Variants in IL1RAPL2 observed in about 807,000 individuals in gnomAD.
The protein encoded by IL1RAPL2 is interleukin 1 receptor accessory protein like 2.
Under a neutral mutation model 44.1 loss-of-function variants are expected in IL1RAPL2, and 3 were observed. The observed-to-expected ratio is 0.07, with a 90% CI of 0.03 to 0.18. The LOEUF is 0.18. Among genes scored for constraint, IL1RAPL2 ranks in the 10% least tolerant of loss-of-function variants. IL1RAPL2 has a pLI of 1.00. For synonymous variants in IL1RAPL2, 181 were observed against 178.8 expected, an observed-to-expected ratio of 1.01 and a Z score of -0.10; for missense variants, 391 against 496.4, an observed-to-expected ratio of 0.79 and a Z score of 2.02.
chrX:104,683,529 T>C (rs1446819015), intron 2 of IL1RAPL2, among the ~76,000 whole-genome samples: 1 of 112,214 alleles, frequency 8.9e-6, no homozygotes, highest in Non-Finnish European at 1.9e-5. Flanking sequence ...CACTTTTGTT[T>C]GATATGCTTC....
At position 104,870,833 on chromosome X, in the gene IL1RAPL2, T is replaced by A. The variant is rs1417587978; in HGVS notation, c.82+211838T>A. On this transcript the variant is annotated intron_variant, in intron 2 of 10. Coordinates refer to ENST00000372582, the MANE Select transcript of IL1RAPL2 (RefSeq NM_017416.2). ...GTTTCTTTTATTTTGTTTTTTGTTA[T>A]TTCTAAATTGTTAGTTGTGAGTAAG... Among the ~76,000 whole-genome samples the A allele has an allele frequency of 3.6e-5, 4 of 111,800 alleles. No individual in the cohort carries two copies. In the Admixed American group the frequency reaches 3.8e-4, roughly 11 times the overall value.
intron 5 of IL1RAPL2, among the ~76,000 whole-genome samples, chrX:105,321,470 T>C (rs1387688392): frequency 8.9e-6 from 1 of 112,217 alleles, no homozygotes; most frequent in East Asian, 2.8e-4. Context: ...AGGCTCTTTG[T>C]TCAAAAATTA....
chrX:105,514,585 C>T (rs1178803312), intron 6 of IL1RAPL2, among the ~76,000 whole-genome samples: 8 of 112,255 alleles, frequency 7.1e-5, no homozygotes, highest in African/African-American at 9.7e-5. Flanking sequence ...ATAAGCATTA[C>T]GTTACAACTC....
intron 2 of IL1RAPL2, among the ~76,000 whole-genome samples, chrX:104,712,112 T>G (rs1931469110): frequency 9.0e-6 from 1 of 111,287 alleles, no homozygotes; most frequent in African/African-American, 3.2e-5. Flanking sequence ...TAAGACCAGA[T>G]AGTGTGGCCA....
intron 6 of IL1RAPL2, among the ~76,000 whole-genome samples, chrX:105,709,832 AATG>A (rs1461346495): frequency 9.0e-6 from 1 of 111,543 alleles, no homozygotes; most frequent in Non-Finnish European, 1.9e-5. Context: ...ATGTAGTAAC[AATG>A]GGGGTTTTAT....
rs750223292 is a variant in IL1RAPL2 at position 104,915,225 on chromosome X, C to T, written c.82+256230C>T. Among the ~76,000 whole-genome samples, 39 of 110,991 alleles carry T rather than the reference C, an allele frequency of 3.5e-4. No individual in the cohort carries two copies. The South Asian group carries it at 0.01, about 30-fold the overall frequency. ...TATTTCTCCACATCCTCTCCAGCAC[C>T]TGTTGTTTCCTGACTTTTTAATGAT... On this transcript the variant is annotated intron_variant, in intron 2 of 10. Coordinates refer to ENST00000372582, the MANE Select transcript of IL1RAPL2 (RefSeq NM_017416.2).
At chrX:105,142,339 G>T (rs1029937727) in intron 2 of IL1RAPL2, among the ~76,000 whole-genome samples, 1 of 111,213 alleles carries the variant, frequency 9.0e-6, no homozygotes, top group Non-Finnish European at 1.9e-5. Context: ...CTTCCCAGGG[G>T]TCTCATTTTT....
At chrX:105,472,759 C>T (rs2036173591) in intron 5 of IL1RAPL2, among the ~76,000 whole-genome samples, 1 of 111,874 alleles carries the variant, frequency 8.9e-6, no homozygotes, top group Non-Finnish European at 1.9e-5. Context: ...TCCCAGAGAG[C>T]TGCCATCATG....
rs190901396 is a variant in IL1RAPL2 at position 104,879,566 on chromosome X, T to C, written c.82+220571T>C. 5.4e-5 allele frequency among the ~76,000 whole-genome samples: 6 copies of C among 111,437 alleles called. No individual in the cohort carries two copies. The East Asian group carries it at 1.7e-3, about 31-fold the overall frequency. On this transcript the variant is annotated intron_variant, in intron 2 of 10. Transcript: ENST00000372582. ...CTTTATTGGATTATTTCAGGTTTTCTTTTTGAGTAAACTTTATATTTCCTT... is the reference window on the plus strand; with the variant it reads ...CTTTATTGGATTATTTCAGGTTTTCCTTTTGAGTAAACTTTATATTTCCTT...
At chrX:104,622,900 C>CT (rs950269611) in intron 1 of IL1RAPL2, among the ~76,000 whole-genome samples, 23 of 111,238 alleles carry the variant, frequency 2.1e-4, no homozygotes, top group Non-Finnish European at 4.2e-4. Context: ...ATTTTAATAA[C>CT]TTTTTTTTGT....
At chrX:104,856,966 G>T (rs918486415) in intron 2 of IL1RAPL2, among the ~76,000 whole-genome samples, 2 of 112,049 alleles carry the variant, frequency 1.8e-5, no homozygotes, top group African/African-American at 6.5e-5. Flanking sequence ...CTGCCAATTT[G>T]TTACCTTTGC....
intron 1 of IL1RAPL2, among the ~76,000 whole-genome samples, chrX:104,621,100 A>C (rs1014375313): frequency 6.6e-5 from 7 of 105,609 alleles, no homozygotes; most frequent in Non-Finnish European, 1.3e-4. Flanking sequence ...ACAATGTAAT[A>C]TATATTAGAT....
intron 3 of IL1RAPL2, chrX:105,220,082 C>T (rs782061168): frequency 8.3e-7 from 1 of 1,211,708 alleles, no homozygotes; most frequent in Non-Finnish European, 1.1e-6. Flanking sequence ...GATGCCAAGG[C>T]CTGTGCGGCT....
chrX:105,102,289 A>G (rs1302814752), intron 2 of IL1RAPL2, among the ~76,000 whole-genome samples: 1 of 111,665 alleles, frequency 9.0e-6, no homozygotes, highest in Non-Finnish European at 1.9e-5. Context: ...CCAGGAGGTA[A>G]ATAAAGGCAG....
chrX:105,176,329 C>A (rs1432707967), intron 2 of IL1RAPL2, among the ~76,000 whole-genome samples: 1 of 111,191 alleles, frequency 9.0e-6, no homozygotes, highest in Admixed American at 9.5e-5. Context: ...AGGGCACTAA[C>A]ACTACAGAGA....
In IL1RAPL2 at chrX:104,708,428, G is replaced by A. The variant is rs151319774; in HGVS notation, c.82+49433G>A. ...TATTTGCGCTAGGCCCTTTTTTGAT[G>A]ACATTGCTTTCCAGCCTTTCTCTCT... On this transcript the variant is annotated intron_variant, in intron 2 of 10. Transcript: ENST00000372582. 4.5e-3 allele frequency among the ~76,000 whole-genome samples: 503 copies of A among 110,697 alleles called. 2 individuals carry two copies. The highest frequency in any genetic ancestry group is 0.015 in the African/African-American group (469 of 30,542).
At chrX:105,040,431 G>C (rs1265641892) in intron 2 of IL1RAPL2, among the ~76,000 whole-genome samples, 23 of 111,309 alleles carry the variant, frequency 2.1e-4, no homozygotes, top group African/African-American at 7.2e-4. Context: ...TTTTTCTATT[G>C]ATTGGAATAG....
chrX:104,906,119 G>T (rs894964053), intron 2 of IL1RAPL2, among the ~76,000 whole-genome samples: 21 of 109,720 alleles, frequency 1.9e-4, no homozygotes, highest in Non-Finnish European at 2.5e-4. Flanking sequence ...TGTTATTGGT[G>T]TATAAGAATG....
chrX:105,029,938 G>A (rs1271943482), intron 2 of IL1RAPL2, among the ~76,000 whole-genome samples: 7 of 111,291 alleles, frequency 6.3e-5, no homozygotes, highest in African/African-American at 1.6e-4. Context: ...TTTAATGATC[G>A]CCATTCCAAC....
Sources: allele counts gnomAD v4.1 joint callset (sites outside exome capture counted in the v4.1 genomes callset), GRCh38; gene constraint gnomAD v4.1.1; transcripts MANE v1.5; gene names NCBI Gene and HGNC (gene_info 2026-07-23, HGNC 2026-07-21).